The following SPOCK1 variants were observed in gnomAD, a reference collection of about 807,000 sequenced individuals.
SPOCK1 encodes the protein SPARC (osteonectin), cwcv and kazal like domains proteoglycan 1.
A neutral mutation model predicts 55.3 loss-of-function variants in SPOCK1; 23 were observed. The observed-to-expected ratio is 0.42, with a 90% CI of 0.30 to 0.59. SPOCK1 has a LOEUF of 0.59. Ranked by LOEUF, SPOCK1 falls within the 20% of genes least tolerant of loss-of-function variation. The probability of loss-of-function intolerance (pLI) is 0.22; values close to 1 mark genes in which losing one functional copy is unlikely to be tolerated. For missense variants in SPOCK1, 499 were observed against 552.5 expected, an observed-to-expected ratio of 0.90 and a Z score of 0.97; for synonymous variants, 226 against 221.0, an observed-to-expected ratio of 1.02 and a Z score of -0.20.
In SPOCK1 at chr5:137,400,837, G is replaced by C. The variant is rs552706956; in HGVS notation, c.186+97536C>G. On this transcript the variant is annotated intron_variant, in intron 2 of 10. Coordinates refer to ENST00000394945, the MANE Select transcript of SPOCK1 (RefSeq NM_004598.4). ...AACAGCTGGCAAGGAGGGAGGAAAAGTGCGGATCAGAGAAAAGAAAAGGCC... is the reference window on the plus strand; with the variant it reads ...AACAGCTGGCAAGGAGGGAGGAAAACTGCGGATCAGAGAAAAGAAAAGGCC... 8.7e-4 allele frequency among the ~76,000 whole-genome samples: 132 copies of C among 152,332 alleles called. 1 individual carries two copies. The highest frequency in any genetic ancestry group is 3.4e-3 in the Middle Eastern group (1 of 294).
chr5:137,031,421 T>C lies in SPOCK1; in HGVS notation c.589+36294A>G, dbSNP rs563397087. Among the ~76,000 whole-genome samples the C allele has an allele frequency of 2.4e-4, 36 of 152,350 alleles. No individual in the cohort carries two copies. In the South Asian group the frequency reaches 7.0e-3, roughly 30 times the overall value. On this transcript the variant is annotated intron_variant, in intron 6 of 10. Transcript: ENST00000394945. ...AATGTAATTATGCCATTTCTCTAGATGTAAATATCCCCCAATGGGAAAACC... is the reference window on the plus strand; with the variant it reads ...AATGTAATTATGCCATTTCTCTAGACGTAAATATCCCCCAATGGGAAAACC...
At chr5:137,490,889 A>G (rs953349624) in intron 2 of SPOCK1, among the ~76,000 whole-genome samples, 3 of 152,180 alleles carry the variant, frequency 2.0e-5, no homozygotes, top group Admixed American at 6.5e-5. Context: ...AAATGGAGTG[A>G]AGACAGGCTC....
chr5:137,276,629 G>C (rs1477128292), intron 2 of SPOCK1, among the ~76,000 whole-genome samples: 8 of 152,216 alleles, frequency 5.3e-5, no homozygotes, highest in Non-Finnish European at 4.4e-5. Flanking sequence ...ATCTTGGACT[G>C]CAGCTCCACA....
At chr5:136,987,051 TATTTTA>T (rs1205465958) in intron 8 of SPOCK1, among the ~76,000 whole-genome samples, 3 of 130,714 alleles carry the variant, frequency 2.3e-5, no homozygotes, top group Non-Finnish European at 5.2e-5. Flanking sequence ...AAAACTGATT[TATTTTA>T]TATATATATA....
At chr5:137,421,372 G>A (rs1008347951) in intron 2 of SPOCK1, among the ~76,000 whole-genome samples, 1 of 152,284 alleles carries the variant, frequency 6.6e-6, no homozygotes, top group Non-Finnish European at 1.5e-5. Flanking sequence ...CTGTCTCGTT[G>A]ATCTGTCTAA....
intron 3 of SPOCK1, among the ~76,000 whole-genome samples, chr5:137,227,366 T>A (rs992285711): frequency 3.3e-5 from 5 of 152,208 alleles, no homozygotes; most frequent in African/African-American, 1.2e-4. Flanking sequence ...TGAGAGTTCA[T>A]TTGCAAGAAA....
At chr5:136,981,872 A>C (rs1165400819) in intron 9 of SPOCK1, among the ~76,000 whole-genome samples, 1 of 152,190 alleles carries the variant, frequency 6.6e-6, no homozygotes, top group Non-Finnish European at 1.5e-5. Context: ...GTTCTATTCC[A>C]TTTTAAGTTA....
chr5:137,034,781 CCA>C (rs143086378), intron 6 of SPOCK1, among the ~76,000 whole-genome samples: 4,074 of 152,274 alleles, frequency 0.027, 126 homozygotes, highest in African/African-American at 0.077. Context: ...GATGACAGAT[CCA>C]CAGTTGAGAA....
chr5:137,498,298 ACACC>A (rs1415612212), intron 2 of SPOCK1, 71 bp downstream of exon 2: 91 of 1,313,478 alleles, frequency 6.9e-5, no homozygotes, highest in Non-Finnish European at 9.0e-5. Context: ...ACACACACAC[ACACC>A]CCAACCCCGC....
intron 2 of SPOCK1, among the ~76,000 whole-genome samples, chr5:137,295,101 C>T (rs9327781): frequency 0.14 from 21,631 of 152,252 alleles, 1,726 homozygotes; most frequent in Admixed American, 0.2. Context: ...GTCACTGATG[C>T]ATCCCAGCAC....
At chr5:137,438,398 AGAAG>A (rs1299713544) in intron 2 of SPOCK1, among the ~76,000 whole-genome samples, 6 of 152,314 alleles carry the variant, frequency 3.9e-5, no homozygotes, top group African/African-American at 1.4e-4. Context: ...CTTGCCTAAT[AGAAG>A]GAAGACTACA....
intron 5 of SPOCK1, among the ~76,000 whole-genome samples, chr5:137,089,012 C>CGAG (rs1353446395): frequency 6.6e-6 from 1 of 151,814 alleles, no homozygotes; most frequent in Non-Finnish European, 1.5e-5. Flanking sequence ...GTCAACATGC[C>CGAG]GAGAGAGGAG....
At chr5:137,333,070 A>G (rs542487852) in intron 2 of SPOCK1, among the ~76,000 whole-genome samples, 1 of 152,290 alleles carries the variant, frequency 6.6e-6, no homozygotes, top group African/African-American at 2.4e-5. Flanking sequence ...CCTGCCTACT[A>G]GCAGAGCCCC....
chr5:137,165,218 CAGAA>C (rs1231950758), intron 3 of SPOCK1, among the ~76,000 whole-genome samples: 2 of 152,172 alleles, frequency 1.3e-5, no homozygotes, highest in African/African-American at 4.8e-5. Context: ...TGGCTCAGAA[CAGAA>C]AGAAAGACTT....
intron 2 of SPOCK1, among the ~76,000 whole-genome samples, chr5:137,443,019 A>G (rs1753050295): frequency 6.6e-6 from 1 of 152,152 alleles, no homozygotes; most frequent in African/African-American, 2.4e-5. Flanking sequence ...GGTCCCCTAA[A>G]GGAGGAGGTT....
At position 137,414,642 on chromosome 5, in the gene SPOCK1, C is replaced by G. The variant is rs1440573211; in HGVS notation, c.186+83731G>C. Among the ~76,000 whole-genome samples, 35 of 152,108 alleles carry G rather than the reference C, an allele frequency of 2.3e-4. 1 individual carries two copies. The highest frequency in any genetic ancestry group is 2.9e-5 in the Non-Finnish European group (2 of 68,030). The stretch of plus-strand genomic sequence containing the variant: ...ATGATTTATTGCTGGAGAAATTTTA[C>G]TAAATTGGGATGTGACCATGTATCC... On this transcript the variant is annotated intron_variant, in intron 2 of 10. Transcript: ENST00000394945.
At chr5:137,347,565 C>G (rs1417401490) in intron 2 of SPOCK1, among the ~76,000 whole-genome samples, 5 of 152,004 alleles carry the variant, frequency 3.3e-5, no homozygotes, top group African/African-American at 1.2e-4. Context: ...ACTAAAAATA[C>G]AAAAAATTAG....
Position 137,050,533 on chromosome 5 carries a change from C to T in SPOCK1, c.589+17182G>A, listed in dbSNP as rs951657112. On this transcript the variant is annotated intron_variant, in intron 6 of 10. Transcript: ENST00000394945. ...GTGCGCGCACCCACTGGCCTGCGCC[C>T]ACTGTCTGGCACTCCCTAGTGAGAT... 8.6e-5 allele frequency among the ~76,000 whole-genome samples: 13 copies of T among 151,402 alleles called. No homozygotes were observed. In the South Asian group the frequency reaches 2.7e-3, roughly 32 times the overall value.
In SPOCK1 at chr5:137,067,791, G is replaced by A. The variant is rs1396724304; in HGVS notation, c.513C>T (p.Ser171=). 1.2e-6 allele frequency: 2 copies of A among 1,614,010 alleles called. No individual in the cohort carries two copies. The highest frequency in any genetic ancestry group is 1.7e-6 in the Non-Finnish European group (2 of 1,180,028). ...AGGGCCCATCACAGAGGGTGGCGAG[G>A]CTTTTGCCAGTAGAACAAGCATGGA... The part of the protein sequence containing the change: ...LEFHACSTGK[S]LATLCDGPCP... Residue 171 remains serine (S), a synonymous_variant, in exon 6 of 11, where the codon AGC becomes AGT. Coordinates refer to ENST00000394945, the MANE Select transcript of SPOCK1 (RefSeq NM_004598.4).
Sources: gnomAD v4.1 joint callset for allele counts (sites outside exome capture counted in the v4.1 genomes callset) on GRCh38, gnomAD v4.1.1 for gene constraint, MANE v1.5 for transcripts, NCBI Gene and HGNC (gene_info 2026-07-23, HGNC 2026-07-21) for gene names.